Variants in USP13 observed in about 807,000 individuals in gnomAD.
The protein encoded by USP13 is ubiquitin carboxyl-terminal hydrolase 13.
Under a neutral mutation model 107.8 loss-of-function variants are expected in USP13, and 68 were observed. That is an observed-to-expected ratio of 0.63 (90% CI 0.52 to 0.77). The LOEUF is 0.77. USP13 is among the 30% of genes least tolerant of loss of function. The pLI, the probability that USP13 is intolerant of heterozygous loss-of-function variation, is 0.00. For missense variants in USP13, 945 were observed against 1,093.3 expected (o/e 0.86, Z 1.91); for synonymous variants, 377 against 389.5 (o/e 0.97, Z 0.38).
chr3:179,754,652 T>C lies in USP13; in HGVS notation c.1799-80T>C, dbSNP rs1576979138. On this transcript the variant is annotated intron_variant, in intron 14 of 20. Transcript: ENST00000263966. ...CATCCCTTAGCTCTGTCTAGACACATGCATGTAGAGTTATAGTGCTGGTAT... is the reference window on the plus strand; with the variant it reads ...CATCCCTTAGCTCTGTCTAGACACACGCATGTAGAGTTATAGTGCTGGTAT... 5 of 1,513,146 alleles carry C rather than the reference T, an allele frequency of 3.3e-6. No homozygotes were observed. The African/African-American group carries it at 4.2e-5, about 13-fold the overall frequency. 93.7% of individuals were successfully genotyped at this position (1,513,146 alleles called of 1,614,324 possible).
intron 10 of USP13, among the ~76,000 whole-genome samples, chr3:179,733,741 C>T (rs1187508840): frequency 2.0e-5 from 3 of 152,142 alleles, no homozygotes; most frequent in East Asian, 3.8e-4. Context: ...CGCCTTTTTA[C>T]GGGGCCACCA....
chr3:179,663,929 C>A lies in USP13; in HGVS notation c.168+10536C>A, dbSNP rs372789968. Among the ~76,000 whole-genome samples, 21 of 152,308 alleles carry A rather than the reference C, an allele frequency of 1.4e-4. No homozygotes were observed. The East Asian group carries it at 3.3e-3, about 24-fold the overall frequency. On this transcript the variant is annotated intron_variant, in intron 1 of 20. Transcript: ENST00000263966. ...TCAGATGTTCTTTGTGAGGACTCCT[C>A]CCATCCTCAGAAGCTGAGTTAGATA...
intron 1 of USP13, among the ~76,000 whole-genome samples, chr3:179,675,392 C>G (rs533176779): frequency 1.3e-5 from 2 of 151,780 alleles, no homozygotes; most frequent in South Asian, 4.2e-4. Context: ...TGATTCTTTT[C>G]TGCATTTTTG....
At chr3:179,757,657 G>C (rs188995433) in intron 16 of USP13, among the ~76,000 whole-genome samples, 1 of 152,300 alleles carries the variant, frequency 6.6e-6, no homozygotes, top group Admixed American at 6.5e-5. Flanking sequence ...TTAACTAGGA[G>C]AAAGAGAAAG....
intron 16 of USP13, among the ~76,000 whole-genome samples, chr3:179,757,422 A>G (rs944107477): frequency 2.6e-5 from 4 of 152,204 alleles, no homozygotes; most frequent in African/African-American, 4.8e-5. Context: ...TCTTTGTGCA[A>G]TGGTGGCACA....
At chr3:179,730,836 G>T in intron 10 of USP13, 127 bp downstream of exon 10, 1 of 768,406 alleles carries the variant, frequency 1.3e-6, no homozygotes. Flanking sequence ...TGTCATTTCA[G>T]TGTCTAGGGT....
At chr3:179,703,740 C>T (rs1712615181) in intron 4 of USP13, among the ~76,000 whole-genome samples, 1 of 152,170 alleles carries the variant, frequency 6.6e-6, no homozygotes, top group African/African-American at 2.4e-5. Flanking sequence ...ACAGAATTTC[C>T]AGCATTCCGC....
chr3:179,783,917 A>T, intron 20 of USP13, 131 bp from the exon 21 acceptor site: 1 of 668,220 alleles, frequency 1.5e-6, no homozygotes, highest in Non-Finnish European at 2.5e-6. Flanking sequence ...CCCTTTTTAT[A>T]CAACGAACTT....
intron 5 of USP13, 137 bp downstream of exon 5, chr3:179,707,213 C>A (rs1413962587): frequency 2.5e-6 from 3 of 1,202,022 alleles, no homozygotes; most frequent in Non-Finnish European, 3.4e-6. Context: ...TATAAAACTT[C>A]TCTAAAATTG....
Position 179,653,753 on chromosome 3 carries a change from A to G in USP13, c.168+360A>G, listed in dbSNP as rs9838080. On this transcript the variant is annotated intron_variant, in intron 1 of 20. Transcript: ENST00000263966. The surrounding 1 kb of genome is among the most constrained non-coding windows in gnomAD (Gnocchi z 4.0). ...CCGCGGGGCAGAGCGCAGGGCGGGT[A>G]GGTGGACGGGATGATCCCCCCACAC... 88,162 of 199,974 alleles carry G rather than the reference A, an allele frequency of 0.44. 22,327 individuals are homozygous for G. The highest frequency in any genetic ancestry group is 0.55 in the Middle Eastern group (288 of 528). 12.4% of individuals were successfully genotyped at this position (199,974 alleles called of 1,614,324 possible). A position where few individuals can be genotyped will look rare whatever the true frequency, so the allele number is the denominator to read the frequency against.
At chr3:179,709,065 C>A in intron 6 of USP13, 108 bp downstream of exon 6, 1 of 1,323,914 alleles carries the variant, frequency 7.6e-7, no homozygotes. Context: ...TGCAGACAGC[C>A]CAGGTTTGAA....
chr3:179,740,768 ACTT>A (rs1173263720), intron 11 of USP13, among the ~76,000 whole-genome samples: 1 of 149,200 alleles, frequency 6.7e-6, no homozygotes, highest in Non-Finnish European at 1.5e-5. Context: ...GCCATTAAAA[ACTT>A]TTTTTTTTTT....
chr3:179,694,205 G>T (rs1365790850), intron 3 of USP13, among the ~76,000 whole-genome samples: 2 of 151,516 alleles, frequency 1.3e-5, no homozygotes, highest in African/African-American at 4.9e-5. Context: ...AAACTCCGGG[G>T]CTCAAGTGAT....
At chr3:179,772,969 A>G (rs969592109) in intron 19 of USP13, among the ~76,000 whole-genome samples, 1 of 152,054 alleles carries the variant, frequency 6.6e-6, no homozygotes, top group African/African-American at 2.4e-5. Context: ...TCCCTCCCAC[A>G]CTGTTTTTTC....
chr3:179,653,134 C>G lies in USP13; in HGVS notation c.-92C>G. ...CGGCTGCCGTTGCCCGCGCAGCCCGCCCGTCAGCCCGCTCGCTGGCGCCGC... is the reference window on the plus strand; with the variant it reads ...CGGCTGCCGTTGCCCGCGCAGCCCGGCCGTCAGCCCGCTCGCTGGCGCCGC... On this transcript the variant is annotated 5_prime_UTR_variant, in exon 1 of 21. Coordinates refer to ENST00000263966, the MANE Select transcript of USP13 (RefSeq NM_003940.3). This position sits in a 1 kb window ranked among gnomAD's most constrained non-coding sequence, Gnocchi z 4.0. The G allele has an allele frequency of 1.0e-6, 1 of 991,260 alleles. No individual in the cohort carries two copies. Among genetic ancestry groups the G allele is most frequent in the Non-Finnish European group, 1.2e-6 (1 of 832,190 alleles). 61.4% of individuals were successfully genotyped at this position (991,260 alleles called of 1,614,324 possible).
chr3:179,769,203 C>T (rs927505253), intron 19 of USP13, among the ~76,000 whole-genome samples: 1 of 151,956 alleles, frequency 6.6e-6, no homozygotes, highest in Non-Finnish European at 1.5e-5. Flanking sequence ...CTATGATTAG[C>T]CTGTGAGTTA....
rs1576913522 is a variant in USP13 at position 179,670,988 on chromosome 3, T to C, written c.169-10890T>C. Among the ~76,000 whole-genome samples, 3 of 152,092 alleles carry C rather than the reference T, an allele frequency of 2.0e-5. 1 individual carries two copies. The Middle Eastern group carries it at 0.01, about 517-fold the overall frequency. ...CTGGGATTACAGGTGTGAACCACCATGTCCGGCCAATCCCAGCACTTTCGG... is the reference window on the plus strand; with the variant it reads ...CTGGGATTACAGGTGTGAACCACCACGTCCGGCCAATCCCAGCACTTTCGG... On this transcript the variant is annotated intron_variant, in intron 1 of 20. Coordinates refer to ENST00000263966, the MANE Select transcript of USP13 (RefSeq NM_003940.3).
chr3:179,653,132 C>A lies in USP13; in HGVS notation c.-94C>A. On this transcript the variant is annotated 5_prime_UTR_variant, in exon 1 of 21. Transcript: ENST00000263966. This position sits in a 1 kb window ranked among gnomAD's most constrained non-coding sequence, Gnocchi z 4.0. ...GCCGGCTGCCGTTGCCCGCGCAGCCCGCCCGTCAGCCCGCTCGCTGGCGCC... is the reference window on the plus strand; with the variant it reads ...GCCGGCTGCCGTTGCCCGCGCAGCCAGCCCGTCAGCCCGCTCGCTGGCGCC... 1 of 985,420 alleles carries A rather than the reference C, an allele frequency of 1.0e-6. No individual in the cohort carries two copies. Among genetic ancestry groups the A allele is most frequent in the Non-Finnish European group, 1.2e-6 (1 of 827,384 alleles). 61.0% of individuals were successfully genotyped at this position (985,420 alleles called of 1,614,324 possible).
At chr3:179,718,135 G>C (rs1382566179) in intron 6 of USP13, among the ~76,000 whole-genome samples, 2 of 151,914 alleles carry the variant, frequency 1.3e-5, no homozygotes, top group South Asian at 2.1e-4. Flanking sequence ...CATTTTCCTT[G>C]TTACAGATTT....
Sources: allele counts gnomAD v4.1 joint callset (sites outside exome capture counted in the v4.1 genomes callset), GRCh38; gene constraint gnomAD v4.1.1; non-coding constraint Gnocchi (gnomAD v3.1); transcripts MANE v1.5; gene names NCBI Gene and HGNC (gene_info 2026-07-23, HGNC 2026-07-21).